The following OSGEPL1 variants were observed in gnomAD, a reference collection of about 807,000 sequenced individuals.
OSGEPL1 encodes the protein O-sialoglycoprotein endopeptidase like 1.
Under a neutral mutation model 37.2 loss-of-function variants are expected in OSGEPL1, and 26 were observed. The ratio of observed to expected loss-of-function variants is 0.70; its 90% CI spans 0.51 to 0.97. The LOEUF is 0.97. Among genes scored for constraint, OSGEPL1 ranks in the 50% least tolerant of loss-of-function variants. OSGEPL1 has a pLI of 0.00. For missense variants in OSGEPL1, 404 were observed against 487.0 expected (o/e 0.83, Z 1.60); for synonymous variants, 140 against 159.9 (o/e 0.88, Z 0.94).
At chr2:189,758,997 T>A (rs1176689859) in intron 2 of OSGEPL1, among the ~76,000 whole-genome samples, 2 of 152,158 alleles carry the variant, frequency 1.3e-5, no homozygotes, top group African/African-American at 4.8e-5. Context: ...TAATAATAGT[T>A]ACTGTCTGCA....
chr2:189,762,730 T>C lies in OSGEPL1; in HGVS notation c.-66A>G. 1 of 985,462 alleles carries C rather than the reference T, an allele frequency of 1.0e-6. No homozygotes were observed. Among genetic ancestry groups the C allele is most frequent in the Non-Finnish European group, 1.2e-6 (1 of 830,008 alleles). The allele number at this position is 985,462 out of a possible 1,614,324, so 61.0% of individuals were successfully genotyped here. ...GCTAGCACTTGTCTCCTTTCCCTAC[T>C]AAAGACTGTCGACTGCCCTTATCGC... On this transcript the variant is annotated 5_prime_UTR_variant, in exon 1 of 9. Coordinates refer to ENST00000264151, the MANE Select transcript of OSGEPL1 (RefSeq NM_022353.3).
intron 8 of OSGEPL1, 156 bp from the exon 9 acceptor site, chr2:189,747,324 G>A (rs1438601001): frequency 9.2e-6 from 1 of 109,276 alleles, no homozygotes; most frequent in African/African-American, 3.7e-5. Flanking sequence ...AGGTCAGAGA[G>A]TGAGACCCTG....
chr2:189,762,894 C>T (rs1268009055), upstream of OSGEPL1: 3 of 985,348 alleles, frequency 3.0e-6, no homozygotes, highest in Non-Finnish European at 3.6e-6. Flanking sequence ...TTGCCCAAAA[C>T]GCTCTCTGTG....
chr2:189,751,737 G>A (rs999980448), intron 7 of OSGEPL1, among the ~76,000 whole-genome samples: 3 of 151,884 alleles, frequency 2.0e-5, no homozygotes, highest in Middle Eastern at 3.4e-3. Context: ...GAGCCACCAT[G>A]CCTGGCCAAT....
intron 3 of OSGEPL1, 168 bp downstream of exon 3, chr2:189,755,004 TA>T: frequency 4.1e-6 from 3 of 724,730 alleles, no homozygotes; most frequent in Non-Finnish European, 6.5e-6. Context: ...CTAAGAATTA[TA>T]AAATTGTGTA....
intron 8 of OSGEPL1, among the ~76,000 whole-genome samples, chr2:189,749,244 T>TAAAAAAAA (rs397987026): frequency 1.6e-5 from 1 of 63,254 alleles, no homozygotes; most frequent in African/African-American, 6.5e-5. Flanking sequence ...AGACTCTGTC[T>TAAAAAAAA]AAAAAAAAAA....
At position 189,755,195 on chromosome 2, in the gene OSGEPL1, G is replaced by A. The variant is rs755155601; in HGVS notation, c.587C>T (p.Ala196Val). 7.5e-6 allele frequency: 12 copies of A among 1,609,494 alleles called. No individual in the cohort carries two copies. The African/African-American group carries it at 1.6e-4, about 22-fold the overall frequency. ...TACCTTGTCAAGCATGTCACCTGGT[G>A]CTATGTCCAAAGACTTTCCAAGAAG... is the stretch of plus-strand genomic sequence containing the variant. ...FLLLGKSLDI[A>V]PGDMLDKVAR... The change falls in exon 3 of 9, where the codon GCA becomes GTA. Residue 196 changes from alanine (A) to valine (V), a missense_variant. Coordinates refer to ENST00000264151, the MANE Select transcript of OSGEPL1 (RefSeq NM_022353.3).
intron 8 of OSGEPL1, among the ~76,000 whole-genome samples, chr2:189,750,269 A>G (rs971754139): frequency 5.9e-5 from 9 of 152,214 alleles, no homozygotes; most frequent in African/African-American, 2.2e-4. Context: ...ATACAGGGCC[A>G]GAATTCAGCA....
At position 189,754,180 on chromosome 2, in the gene OSGEPL1, C is replaced by T. The variant is rs757142204; in HGVS notation, c.775G>A (p.Val259Ile). 8.7e-6 allele frequency: 14 copies of T among 1,613,524 alleles called. No homozygotes were observed. The East Asian group carries it at 1.1e-4, about 13-fold the overall frequency. The change falls in exon 4 of 9, where the codon GTT becomes ATT. Residue 259 changes from valine to isoleucine, a missense_variant. Physicochemically the swap from Val to Ile is conservative, Grantham distance 29. Coordinates refer to ENST00000264151, the MANE Select transcript of OSGEPL1 (RefSeq NM_022353.3). ...CDFSFTGLQHVTDKIIMKKEK... is the reference protein window; with the variant it reads ...CDFSFTGLQHITDKIIMKKEK... ...TTTTTCATTATTATTTTATCAGTAA[C>T]GTGTTGAAGTCCAGTAAAAGAAAAA... is the stretch of plus-strand genomic sequence containing the variant.
In OSGEPL1 at chr2:189,754,147, CTTT is replaced by C. The variant is rs1484304605; in HGVS notation, c.805_807del (p.Lys269del). On this transcript the variant is annotated inframe_deletion, in exon 4 of 9. Transcript: ENST00000264151. ...TTACTAATTAGAAATATACCTTCCTCTTTTTCCTTTTTCATTATTATTTTATCA... is the reference window on the plus strand; with the variant it reads ...TTACTAATTAGAAATATACCTTCCTCTTCCTTTTTCATTATTATTTTATCA... 1 of 1,613,238 alleles carries C rather than the reference CTTT, an allele frequency of 6.2e-7. No homozygotes were observed.
intron 2 of OSGEPL1, among the ~76,000 whole-genome samples, chr2:189,758,819 G>A (rs1027757735): frequency 3.3e-5 from 5 of 152,188 alleles, no homozygotes; most frequent in South Asian, 4.1e-4. Context: ...AATTGTGAAA[G>A]TATTACAAAG....
intron 8 of OSGEPL1, among the ~76,000 whole-genome samples, chr2:189,750,054 T>C (rs748555133): frequency 3.3e-5 from 5 of 152,044 alleles, no homozygotes; most frequent in Admixed American, 6.6e-5. Context: ...ACCCAGAAGG[T>C]AGAGGTTGCA....
chr2:189,754,687 TTTTG>T (rs541427954), intron 3 of OSGEPL1: 314 of 260,540 alleles, frequency 1.2e-3, no homozygotes, highest in Middle Eastern at 1.4e-3. Context: ...GGAAGCAGTG[TTTTG>T]TTTGTTTGTT....
chr2:189,752,095 G>T (rs1340514663), intron 7 of OSGEPL1, among the ~76,000 whole-genome samples: 1 of 151,330 alleles, frequency 6.6e-6, no homozygotes, highest in African/African-American at 2.4e-5. Context: ...AGTGAGCCGA[G>T]AATGCGCCAC....
chr2:189,762,322 T>G (rs73050376), intron 1 of OSGEPL1, among the ~76,000 whole-genome samples: 5,132 of 152,240 alleles, frequency 0.034, 291 homozygotes, highest in African/African-American at 0.12. Flanking sequence ...CCTAATTTTA[T>G]GCCCCCAGAT....
At chr2:189,763,083 C>T, upstream of OSGEPL1, 1 of 985,098 alleles carries the variant, frequency 1.0e-6, no homozygotes, top group Non-Finnish European at 1.2e-6. Flanking sequence ...TTGGTTGCTA[C>T]TGTGAGAAAA....
At chr2:189,754,097 T>C (rs2045706831) in intron 4 of OSGEPL1, 33 bp from the exon 5 acceptor site, 2 of 1,612,006 alleles carry the variant, frequency 1.2e-6, no homozygotes, top group African/African-American at 1.3e-5. Flanking sequence ...TTAGGCACAA[T>C]CCAGGAATAT....
At position 189,752,884 on chromosome 2, in the gene OSGEPL1, G is replaced by A. The variant is rs549547329; in HGVS notation, c.1059C>T (p.Pro353=). ...ATQCTLLCPP[P]RLCTDNGIMI... The stretch of plus-strand genomic sequence containing the variant: ...TAATGCCATTATCAGTGCATAGTCT[G>A]GGAGGAGGACACAACAAAGTGCACT... The change falls in exon 6 of 9, where the codon CCC becomes CCT. Residue 353 remains proline, a synonymous_variant. Coordinates refer to ENST00000264151, the MANE Select transcript of OSGEPL1 (RefSeq NM_022353.3). 3.1e-6 allele frequency: 5 copies of A among 1,613,878 alleles called. No individual in the cohort carries two copies. The highest frequency in any genetic ancestry group is 1.1e-5 in the South Asian group (1 of 91,070).
intron 2 of OSGEPL1, among the ~76,000 whole-genome samples, chr2:189,757,708 T>A (rs1485797730): frequency 6.6e-6 from 1 of 152,206 alleles, no homozygotes; most frequent in Non-Finnish European, 1.5e-5. Flanking sequence ...TATGGTGAGC[T>A]GTTCAAAGGC....
Sources: gnomAD v4.1 joint callset for allele counts (sites outside exome capture counted in the v4.1 genomes callset) on GRCh38, gnomAD v4.1.1 for gene constraint, MANE v1.5 for transcripts, NCBI Gene and HGNC (gene_info 2026-07-23, HGNC 2026-07-21) for gene names.